The following GOLPH3L variants were observed in gnomAD, a reference collection of about 807,000 sequenced individuals.
GOLPH3L encodes Golgi phosphoprotein 3-like.
Under a neutral mutation model 30.3 loss-of-function variants are expected in GOLPH3L, and 22 were observed. The observed-to-expected ratio is 0.73, with a 90% CI of 0.52 to 1.04. The LOEUF (loss-of-function observed/expected upper bound fraction) is 1.04, where lower values mean the gene tolerates loss of function less well. Among genes scored for constraint, GOLPH3L ranks in the 50% least tolerant of loss-of-function variants. GOLPH3L has a pLI of 0.00. For synonymous variants in GOLPH3L, 120 were observed against 128.2 expected (o/e 0.94, Z 0.43); for missense variants, 303 against 345.8 (o/e 0.88, Z 0.98).
chr1:150,692,471 G>A lies in GOLPH3L; in HGVS notation c.183+2185C>T, dbSNP rs190331348. On this transcript the variant is annotated intron_variant, in intron 2 of 4. Coordinates refer to ENST00000271732, the MANE Select transcript of GOLPH3L (RefSeq NM_018178.6). ...CACAATCCTGGTTCACTGAAGCCTC[G>A]ACCTCCGAGGCTTAAGCCATCCTCT... 4.3e-4 allele frequency among the ~76,000 whole-genome samples: 66 copies of A among 152,258 alleles called. 1 individual carries two copies. The highest frequency in any genetic ancestry group is 6.0e-4 in the African/African-American group (25 of 41,556).
chr1:150,668,929 T>C (rs1466845570), intron 2 of GOLPH3L, among the ~76,000 whole-genome samples: 2 of 152,184 alleles, frequency 1.3e-5, no homozygotes, highest in Non-Finnish European at 2.9e-5. Context: ...ACCATGTAAC[T>C]TCTGTTTCAG....
chr1:150,650,823 T>C (rs956778306), intron 4 of GOLPH3L, among the ~76,000 whole-genome samples: 1 of 152,174 alleles, frequency 6.6e-6, no homozygotes, highest in South Asian at 2.1e-4. Flanking sequence ...GACAAAAAAG[T>C]ATGAAGTATA....
At chr1:150,683,531 CA>C (rs35646727) in intron 2 of GOLPH3L, among the ~76,000 whole-genome samples, 113 of 55,556 alleles carry the variant, frequency 2.0e-3, no homozygotes, top group African/African-American at 5.9e-3. Flanking sequence ...GACTCTGTCT[CA>C]AAAAAAAAAA....
At chr1:150,670,240 C>T (rs587608354) in intron 2 of GOLPH3L, among the ~76,000 whole-genome samples, 5 of 151,828 alleles carry the variant, frequency 3.3e-5, no homozygotes, top group South Asian at 2.1e-4. Context: ...CCAGCCTGGG[C>T]GACAAGATTG....
At chr1:150,673,806 TC>T (rs1650699614) in intron 2 of GOLPH3L, among the ~76,000 whole-genome samples, 1 of 150,064 alleles carries the variant, frequency 6.7e-6, no homozygotes, top group Non-Finnish European at 1.5e-5. Flanking sequence ...CGTCTGTGGG[TC>T]CCAGCTACTT....
intron 2 of GOLPH3L, chr1:150,694,321 G>A (rs7412396): frequency 0.4 from 108,937 of 274,580 alleles, 22,670 homozygotes; most frequent in South Asian, 0.53. Flanking sequence ...GAAGACTTCA[G>A]TGTGTGGGCC....
chr1:150,661,807 A>G lies in GOLPH3L; in HGVS notation c.430+7T>C, dbSNP rs587600332. The G allele has an allele frequency of 5.0e-6, 6 of 1,189,762 alleles. No individual in the cohort carries two copies. In the African/African-American group the frequency reaches 8.9e-5, roughly 18 times the overall value. The allele number at this position is 1,189,762 out of a possible 1,614,324, so 73.7% of individuals were successfully genotyped here. A position where few individuals can be genotyped will look rare whatever the true frequency, so the allele number is the denominator to read the frequency against. ...TGAAATTCATATATTATTTTAAGTC[A>G]TCTTACCAGTGAGTAGCTCTATCCA... On this transcript the variant is annotated splice_region_variant and intron_variant, in intron 4 of 4. Transcript: ENST00000271732.
chr1:150,684,658 C>T (rs1651041375), intron 2 of GOLPH3L, among the ~76,000 whole-genome samples: 1 of 151,922 alleles, frequency 6.6e-6, no homozygotes, highest in African/African-American at 2.4e-5. Context: ...ACTAGACCTT[C>T]TGATGTGATT....
At chr1:150,692,546 C>T (rs970379369) in intron 2 of GOLPH3L, among the ~76,000 whole-genome samples, 2 of 152,152 alleles carry the variant, frequency 1.3e-5, no homozygotes, top group African/African-American at 4.8e-5. Flanking sequence ...CCACCATGTC[C>T]AGCTAATTTT....
chr1:150,660,607 G>C (rs1650346598), intron 4 of GOLPH3L, among the ~76,000 whole-genome samples: 1 of 152,178 alleles, frequency 6.6e-6, no homozygotes, highest in Admixed American at 6.5e-5. Context: ...GCCATAAACA[G>C]GAATGAAATT....
intron 2 of GOLPH3L, among the ~76,000 whole-genome samples, chr1:150,687,320 G>T (rs1277732414): frequency 6.6e-6 from 1 of 152,102 alleles, no homozygotes; most frequent in Non-Finnish European, 1.5e-5. Context: ...GCTCACATCT[G>T]TAATCCCAGC....
At chr1:150,659,236 T>C (rs1006347536) in intron 4 of GOLPH3L, among the ~76,000 whole-genome samples, 1 of 152,190 alleles carries the variant, frequency 6.6e-6, no homozygotes, top group East Asian at 1.9e-4. Flanking sequence ...GTGTTGGGAA[T>C]AGGCCTCAAA....
chr1:150,647,374 G>T lies in GOLPH3L; in HGVS notation c.*947C>A, dbSNP rs1200038215. On this transcript the variant is annotated 3_prime_UTR_variant, in exon 5 of 5. Coordinates refer to ENST00000271732, the MANE Select transcript of GOLPH3L (RefSeq NM_018178.6). Reference sequence around the variant, plus strand: ...CTGAGTATGGTGGCACGTGCCTGTAGTCCCACTTAGTTGGGAGACTGAGGC... The same window carrying T: ...CTGAGTATGGTGGCACGTGCCTGTATTCCCACTTAGTTGGGAGACTGAGGC... The T allele has an allele frequency of 1.3e-5, 2 of 152,410 alleles. No individual in the cohort carries two copies. The highest frequency in any genetic ancestry group is 2.9e-5 in the Non-Finnish European group (2 of 68,136). The allele number at this position is 152,410 out of a possible 1,614,324, so 9.4% of individuals were successfully genotyped here.
intron 4 of GOLPH3L, among the ~76,000 whole-genome samples, chr1:150,650,482 C>A (rs1650080184): frequency 6.6e-6 from 1 of 152,204 alleles, no homozygotes; most frequent in African/African-American, 2.4e-5. Context: ...TGGTACTGGT[C>A]TGCAGCCTGT....
chr1:150,668,342 C>G (rs1276094536), intron 2 of GOLPH3L, among the ~76,000 whole-genome samples: 3 of 152,134 alleles, frequency 2.0e-5, no homozygotes, highest in Non-Finnish European at 4.4e-5. Context: ...AGTTCCCTCC[C>G]CTGCCTGCCT....
At chr1:150,664,946 T>C (rs1265908772) in intron 2 of GOLPH3L, among the ~76,000 whole-genome samples, 3 of 152,190 alleles carry the variant, frequency 2.0e-5, no homozygotes, top group Non-Finnish European at 4.4e-5. Context: ...GTGCCTGGCA[T>C]ATAGCAGGCA....
At chr1:150,658,590 C>T (rs1650300019) in intron 4 of GOLPH3L, among the ~76,000 whole-genome samples, 1 of 152,172 alleles carries the variant, frequency 6.6e-6, no homozygotes, top group Non-Finnish European at 1.5e-5. Context: ...GATTGCATTG[C>T]AGAACAGGAA....
In GOLPH3L at chr1:150,672,632, T is replaced by C. The variant is rs1025877034; in HGVS notation, c.184-8869A>G. ...TTTTAGTAGAGACGGGACTTCATCA[T>C]GTTGGCCAGGCTGGTCTCGAACTCC... On this transcript the variant is annotated intron_variant, in intron 2 of 4. Coordinates refer to ENST00000271732, the MANE Select transcript of GOLPH3L (RefSeq NM_018178.6). Among the ~76,000 whole-genome samples, 11 of 152,320 alleles carry C rather than the reference T, an allele frequency of 7.2e-5. No homozygotes were observed. In the East Asian group the frequency reaches 7.7e-4, roughly 11 times the overall value.
At chr1:150,683,276 C>A (rs1651002082) in intron 2 of GOLPH3L, among the ~76,000 whole-genome samples, 1 of 152,094 alleles carries the variant, frequency 6.6e-6, no homozygotes, top group Non-Finnish European at 1.5e-5. Context: ...GTGGCTCACG[C>A]CTGTAATCCC....
Sources: allele counts gnomAD v4.1 joint callset (sites outside exome capture counted in the v4.1 genomes callset), GRCh38; gene constraint gnomAD v4.1.1; transcripts MANE v1.5; gene names NCBI Gene and HGNC (gene_info 2026-07-23, HGNC 2026-07-21).